WDR26: variants seen among roughly 807,000 people sequenced by gnomAD.
The protein encoded by WDR26 is WD repeat-containing protein 26.
In WDR26, 5 loss-of-function variants were observed where a neutral mutation model predicts 84.1. That is an observed-to-expected ratio of 0.06 (90% CI 0.03 to 0.13). The LOEUF (loss-of-function observed/expected upper bound fraction) is 0.13, where lower values mean the gene tolerates loss of function less well. Ranked by LOEUF, WDR26 falls within the 10% of genes least tolerant of loss-of-function variation. The pLI is 1.00. For synonymous variants in WDR26, 415 were observed against 389.6 expected, an observed-to-expected ratio of 1.07 and a Z score of -0.77; for missense variants, 642 against 974.9, an observed-to-expected ratio of 0.66 and a Z score of 4.55.
At chr1:224,412,303 A>C (rs1673761524) in intron 6 of WDR26, among the ~76,000 whole-genome samples, 1 of 152,246 alleles carries the variant, frequency 6.6e-6, no homozygotes, top group Non-Finnish European at 1.5e-5. Flanking sequence ...GCAAAGCCTT[A>C]AGAATGGGAG....
intron 8 of WDR26, chr1:224,402,169 G>C (rs1673438347): frequency 6.6e-6 from 1 of 152,146 alleles, no homozygotes; most frequent in African/African-American, 2.4e-5. Flanking sequence ...GGTATGATTA[G>C]GAAATGGGGC....
At chr1:224,389,902 G>GGGGGGAA in intron 13 of WDR26, 42 bp from the exon 14 acceptor site, 1 of 376,262 alleles carries the variant, frequency 2.7e-6, no homozygotes, top group Non-Finnish European at 5.0e-6. Flanking sequence ...GCGGGCGGGG[G>GGGGGGAA]AGGGAAGAGG....
chr1:224,411,499 T>G lies in WDR26; in HGVS notation c.1386A>C (p.Lys462Asn). ...CTAGTTTAGTGCCATCATTAGAGAA[T>G]TTACAGAACCACACTTCATTACAAT... Residue 462 changes from lysine (K) to asparagine (N), a missense_variant, in exon 7 of 14, where the codon AAA becomes AAC. By Grantham distance (94) the Lys-to-Asn change is moderately conservative. Coordinates refer to ENST00000414423, the MANE Select transcript of WDR26 (RefSeq NM_001379403.1). 1 of 1,613,528 alleles carries G rather than the reference T, an allele frequency of 6.2e-7. No homozygotes were observed. The highest frequency in any genetic ancestry group is 1.1e-5 in the South Asian group (1 of 90,914).
intron 7 of WDR26, 133 bp from the exon 8 acceptor site, chr1:224,404,703 T>A: frequency 9.3e-7 from 1 of 1,078,716 alleles, no homozygotes; most frequent in Non-Finnish European, 1.3e-6. Flanking sequence ...AATTTTCCCT[T>A]TAACAGCTTG....
chr1:224,427,437 TACA>T (rs1364324792), intron 3 of WDR26, among the ~76,000 whole-genome samples: 3 of 152,116 alleles, frequency 2.0e-5, no homozygotes, highest in African/African-American at 7.2e-5. Flanking sequence ...AAGATCTTGA[TACA>T]ACATGTTACT....
chr1:224,392,857 C>T (rs1423814458), intron 13 of WDR26, among the ~76,000 whole-genome samples: 3 of 151,514 alleles, frequency 2.0e-5, no homozygotes, highest in Admixed American at 6.6e-5. Context: ...AACCCTCCTC[C>T]ACAGAGAATC....
At chr1:224,429,944 A>T (rs1371926960) in intron 3 of WDR26, 1 of 152,246 alleles carries the variant, frequency 6.6e-6, no homozygotes, top group African/African-American at 2.4e-5. Context: ...GGCGAAGCTT[A>T]AACAACCTCC....
At chr1:224,396,419 T>C (rs1342434191) in intron 12 of WDR26, among the ~76,000 whole-genome samples, 2 of 152,112 alleles carry the variant, frequency 1.3e-5, no homozygotes, top group Non-Finnish European at 2.9e-5. Context: ...ACAGGAGGAA[T>C]TTAAAAGCAA....
intron 3 of WDR26, among the ~76,000 whole-genome samples, chr1:224,427,428 A>G (rs1295304453): frequency 1.3e-5 from 2 of 152,160 alleles, no homozygotes; most frequent in Non-Finnish European, 2.9e-5. Context: ...TTTCCCACCA[A>G]GATCTTGATA....
At position 224,418,507 on chromosome 1, in the gene WDR26, C is replaced by G; in HGVS notation, c.1163-91G>C. ...TGCTCATCTTCTGCTGTACTTGTTC[C>G]TACCCCAATAGTATCTATTCCTTAA... On this transcript the variant is annotated intron_variant, in intron 5 of 13. Transcript: ENST00000414423. The G allele has an allele frequency of 3.2e-6, 4 of 1,243,406 alleles. No homozygotes were observed. The South Asian group carries it at 4.9e-5, about 15-fold the overall frequency. 77.0% of individuals were successfully genotyped at this position (1,243,406 alleles called of 1,614,324 possible).
intron 7 of WDR26, among the ~76,000 whole-genome samples, chr1:224,407,147 AAAAAATAT>A (rs1264595444): frequency 5.1e-5 from 1 of 19,452 alleles, no homozygotes; most frequent in African/African-American, 2.0e-4. Context: ...AAAAAAAAAA[AAAAAATAT>A]ATATATATAT....
chr1:224,424,265 A>G (rs1040188205), intron 4 of WDR26, among the ~76,000 whole-genome samples: 2 of 152,188 alleles, frequency 1.3e-5, no homozygotes, highest in Non-Finnish European at 2.9e-5. Context: ...TAGGGTTTTC[A>G]TAGAACATTC....
At chr1:224,416,086 G>A (rs537893674) in intron 6 of WDR26, among the ~76,000 whole-genome samples, 1 of 152,304 alleles carries the variant, frequency 6.6e-6, no homozygotes, top group South Asian at 2.1e-4. Context: ...CTAAAGTGGA[G>A]GGGGAGAGAG....
intron 13 of WDR26, among the ~76,000 whole-genome samples, chr1:224,391,708 T>A (rs180859216): frequency 1.0e-3 from 157 of 152,270 alleles, no homozygotes; most frequent in African/African-American, 3.5e-3. Context: ...TGATTTTTTT[T>A]AATATTGATT....
chr1:224,417,505 T>A (rs1360225972), intron 6 of WDR26, among the ~76,000 whole-genome samples: 1 of 152,100 alleles, frequency 6.6e-6, no homozygotes, highest in African/African-American at 2.4e-5. Context: ...GACCAGAAGT[T>A]CAAGACCAGC....
intron 6 of WDR26, 77 bp from the exon 7 acceptor site, chr1:224,411,642 C>T: frequency 3.5e-6 from 5 of 1,410,078 alleles, no homozygotes; most frequent in Non-Finnish European, 4.7e-6. Context: ...AAATAACTGA[C>T]AAAACTTCTT....
At chr1:224,413,418 G>T in intron 6 of WDR26, 1 of 571,908 alleles carries the variant, frequency 1.7e-6, no homozygotes, top group Non-Finnish European at 2.5e-6. Context: ...ATGGGTATTT[G>T]CAGGCTGTTT....
intron 4 of WDR26, among the ~76,000 whole-genome samples, chr1:224,422,302 G>A (rs1674086428): frequency 1.3e-5 from 2 of 152,196 alleles, no homozygotes; most frequent in South Asian, 4.1e-4. Context: ...GGGATTTTGT[G>A]GCCTTGCACA....
At chr1:224,433,622 A>AACC in intron 1 of WDR26, 62 bp downstream of exon 1, 2 of 852,324 alleles carry the variant, frequency 2.3e-6, no homozygotes, top group Non-Finnish European at 2.9e-6. Flanking sequence ...CCCTTCCCCT[A>AACC]CCCCCCTGGA....
Sources: allele counts gnomAD v4.1 joint callset (sites outside exome capture counted in the v4.1 genomes callset), GRCh38; gene constraint gnomAD v4.1.1; transcripts MANE v1.5; gene names NCBI Gene and HGNC (gene_info 2026-07-23, HGNC 2026-07-21).